Variants in DNAH11 observed in about 807,000 individuals in gnomAD.
The protein encoded by DNAH11 is dynein axonemal heavy chain 11, also known as axonemal beta dynein heavy chain 11.
A neutral mutation model predicts 526.0 loss-of-function variants in DNAH11; 442 were observed. The ratio of observed to expected loss-of-function variants is 0.84; its 90% CI spans 0.78 to 0.91. DNAH11 has a LOEUF of 0.91. Ranked by LOEUF, DNAH11 falls within the 40% of genes least tolerant of loss-of-function variation. The pLI is 0.00. For synonymous variants in DNAH11, 2,461 were observed against 1,935.9 expected (o/e 1.27, Z -7.12); for missense variants, 6,989 against 5,448.7 (o/e 1.28, Z -8.90).
intron 15 of DNAH11, 81 bp from the exon 16 acceptor site, chr7:21,600,595 A>T: frequency 7.2e-7 from 1 of 1,381,986 alleles, no homozygotes; most frequent in African/African-American, 1.5e-5. Flanking sequence ...TTGAAGAATT[A>T]CCTTGGTAAT....
chr7:21,615,393 C>T (rs1400813114), intron 21 of DNAH11, 121 bp downstream of exon 21: 1 of 1,089,596 alleles, frequency 9.2e-7, no homozygotes, highest in Non-Finnish European at 1.3e-6. Flanking sequence ...GAAATTAGAT[C>T]CTCACCCCAG....
intron 69 of DNAH11, among the ~76,000 whole-genome samples, chr7:21,863,063 C>CAA (rs373065417): frequency 2.1e-4 from 9 of 42,196 alleles, no homozygotes; most frequent in Admixed American, 4.8e-4. Flanking sequence ...GACTCCGTCT[C>CAA]AAAAAAAAAA....
intron 25 of DNAH11, among the ~76,000 whole-genome samples, chr7:21,624,292 A>C (rs187406482): frequency 2.2e-4 from 33 of 152,174 alleles, no homozygotes; most frequent in Admixed American, 5.2e-4. Context: ...CCTTTGGTTA[A>C]ATTTGCTCAA....
In DNAH11 at chr7:21,617,664, A is replaced by T. The variant is rs758294619; in HGVS notation, c.4141A>T (p.Thr1381Ser). ...GGAAGTCCGCGTCTGGGATGCTTACACGGGCCTGGAAGGCACAGTTAAGGA... is the reference window on the plus strand; with the variant it reads ...GGAAGTCCGCGTCTGGGATGCTTACTCGGGCCTGGAAGGCACAGTTAAGGA... ...NKEVRVWDAYTGLEGTVKDMT... is the reference protein window; with the variant it reads ...NKEVRVWDAYSGLEGTVKDMT... The change falls in exon 23 of 82, where the codon ACG becomes TCG. Residue 1381 changes from threonine to serine, a missense_variant. Transcript: ENST00000409508. 1 of 1,613,902 alleles carries T rather than the reference A, an allele frequency of 6.2e-7. No homozygotes were observed. Among genetic ancestry groups the T allele is most frequent in the Non-Finnish European group, 8.5e-7 (1 of 1,179,838 alleles).
chr7:21,695,822 A>G (rs748382530), intron 35 of DNAH11, among the ~76,000 whole-genome samples: 5 of 152,212 alleles, frequency 3.3e-5, no homozygotes, highest in Admixed American at 6.5e-5. Flanking sequence ...GAATGGGAGA[A>G]AATTTTTGCA....
intron 65 of DNAH11, among the ~76,000 whole-genome samples, chr7:21,842,332 A>G (rs1782235900): frequency 6.6e-6 from 1 of 152,202 alleles, no homozygotes; most frequent in Non-Finnish European, 1.5e-5. Flanking sequence ...TATTGTCAAT[A>G]TTTCACATAT....
chr7:21,668,736 G>A (rs1328528669), intron 30 of DNAH11, among the ~76,000 whole-genome samples: 1 of 152,080 alleles, frequency 6.6e-6, no homozygotes, highest in South Asian at 2.1e-4. Context: ...TACTCATCTT[G>A]TTACTTGACA....
chr7:21,820,653 C>G (rs1340449369), intron 65 of DNAH11, among the ~76,000 whole-genome samples: 1 of 152,056 alleles, frequency 6.6e-6, no homozygotes, highest in African/African-American at 2.4e-5. Context: ...AGAGCAGGAC[C>G]CAGAGCACAG....
intron 32 of DNAH11, 121 bp downstream of exon 32, chr7:21,684,065 G>A: frequency 9.5e-7 from 1 of 1,054,356 alleles, no homozygotes. Context: ...AAGTGGTGAA[G>A]AGAATTGAAT....
intron 54 of DNAH11, among the ~76,000 whole-genome samples, chr7:21,755,336 G>T (rs984148311): frequency 2.6e-5 from 4 of 152,100 alleles, no homozygotes; most frequent in Non-Finnish European, 5.9e-5. Flanking sequence ...CTTGCAGCTC[G>T]AATATAGAAC....
rs547633738 is a variant in DNAH11 at position 21,837,919 on chromosome 7, T to A, written c.10692-4625T>A. ...ATTTGATCATTATACAATGTATACATGTATTGAAACATCTCATGGGGCCCC... is the reference window on the plus strand; with the variant it reads ...ATTTGATCATTATACAATGTATACAAGTATTGAAACATCTCATGGGGCCCC... On this transcript the variant is annotated intron_variant, in intron 65 of 81. Coordinates refer to ENST00000409508, the MANE Select transcript of DNAH11 (RefSeq NM_001277115.2). Among the ~76,000 whole-genome samples the A allele has an allele frequency of 3.0e-4, 46 of 152,312 alleles. No homozygotes were observed. In the South Asian group the frequency reaches 4.4e-3, roughly 14 times the overall value.
chr7:21,579,669 T>A (rs955669578), intron 8 of DNAH11, among the ~76,000 whole-genome samples: 1 of 152,212 alleles, frequency 6.6e-6, no homozygotes, highest in Non-Finnish European at 1.5e-5. Context: ...TAGGGTCTTA[T>A]GCAGTAGATT....
chr7:21,729,289 C>G (rs1236508762), intron 45 of DNAH11, among the ~76,000 whole-genome samples: 1 of 152,158 alleles, frequency 6.6e-6, no homozygotes, highest in South Asian at 2.1e-4. Context: ...GGCAATATTT[C>G]TGCTGGTATA....
Position 21,864,460 on chromosome 7 carries a change from A to C in DNAH11, c.11374-75A>C, listed in dbSNP as rs1348816540. On this transcript the variant is annotated intron_variant, in intron 69 of 81. Coordinates refer to ENST00000409508, the MANE Select transcript of DNAH11 (RefSeq NM_001277115.2). ...TTCTGCCTACTCAGTCATGTCTGTT[A>C]AATGTGTGACTACTTCCTGTGTGAC... The C allele has an allele frequency of 2.7e-6, 4 of 1,492,944 alleles. No homozygotes were observed. In the African/African-American group the frequency reaches 5.5e-5, roughly 21 times the overall value. The allele number at this position is 1,492,944 out of a possible 1,614,324, so 92.5% of individuals were successfully genotyped here.
rs999771260 is a variant in DNAH11, at chr7:21,803,985, C to T, written c.10165+2710C>T. 5.3e-5 allele frequency among the ~76,000 whole-genome samples: 8 copies of T among 152,220 alleles called. No homozygotes were observed. The East Asian group carries it at 7.7e-4, about 15-fold the overall frequency. On this transcript the variant is annotated intron_variant, in intron 62 of 81. Coordinates refer to ENST00000409508, the MANE Select transcript of DNAH11 (RefSeq NM_001277115.2). Reference sequence around the variant, plus strand: ...CGTTCATCTCATGGGACTGGGCACACGACCATCCTATTCAGATTCAGGGTT... The same window carrying T: ...CGTTCATCTCATGGGACTGGGCACATGACCATCCTATTCAGATTCAGGGTT...
At chr7:21,809,856 A>G (rs1238023464) in intron 63 of DNAH11, among the ~76,000 whole-genome samples, 1 of 152,122 alleles carries the variant, frequency 6.6e-6, no homozygotes, top group East Asian at 1.9e-4. Context: ...GTGAACCACT[A>G]CACCTGGCCT....
intron 8 of DNAH11, among the ~76,000 whole-genome samples, chr7:21,572,196 C>G (rs150733578): frequency 1.3e-5 from 2 of 152,310 alleles, no homozygotes; most frequent in African/African-American, 4.8e-5. Context: ...GATAAAACTG[C>G]AGACCTCAGT....
chr7:21,803,532 C>G (rs1038157694), intron 62 of DNAH11, among the ~76,000 whole-genome samples: 4 of 151,836 alleles, frequency 2.6e-5, no homozygotes, highest in Non-Finnish European at 5.9e-5. Flanking sequence ...ATGTCTCTGA[C>G]AGACTCCCAC....
chr7:21,588,791 G>A (rs922396812), intron 11 of DNAH11, among the ~76,000 whole-genome samples, 155 bp downstream of exon 11: 4 of 152,114 alleles, frequency 2.6e-5, no homozygotes, highest in South Asian at 2.1e-4. Flanking sequence ...CATTCCCATG[G>A]TTTTGGAATA....
Sources: allele counts gnomAD v4.1 joint callset (sites outside exome capture counted in the v4.1 genomes callset), GRCh38; gene constraint gnomAD v4.1.1; transcripts MANE v1.5; gene names NCBI Gene and HGNC (gene_info 2026-07-23, HGNC 2026-07-21).